Variants in PTPRF observed in about 807,000 individuals in gnomAD.
The protein encoded by PTPRF is receptor-type tyrosine-protein phosphatase F.
Under a neutral mutation model 201.8 loss-of-function variants are expected in PTPRF, and 59 were observed. That is an observed-to-expected ratio of 0.29 (90% CI 0.24 to 0.36). The LOEUF (loss-of-function observed/expected upper bound fraction) is 0.36. Ranked by LOEUF, PTPRF falls within the 10% of genes least tolerant of loss-of-function variation. The pLI is 1.00. For synonymous variants in PTPRF, 1,088 were observed against 1,089.7 expected (o/e 1.00, Z 0.03); for missense variants, 2,132 against 2,690.5 (o/e 0.79, Z 4.59).
rs1363996950 is a variant in PTPRF at position 43,619,122 on chromosome 1, C to T, written c.4566C>T (p.Tyr1522=). 2 of 1,613,910 alleles carry T rather than the reference C, an allele frequency of 1.2e-6. No homozygotes were observed. Among genetic ancestry groups the T allele is most frequent in the South Asian group, 2.2e-5 (2 of 91,070 alleles). The change falls in exon 27 of 34, where the codon TAC becomes TAT. Residue 1522 remains tyrosine (Y), a synonymous_variant. Coordinates refer to ENST00000359947, the MANE Select transcript of PTPRF (RefSeq NM_002840.5). The stretch of plus-strand genomic sequence containing the variant: ...GGCCAGACCATGGAGTTCCTGAGTA[C>T]CCAACTCCCATCCTGGCCTTCCTAC... The part of the protein sequence containing the change: ...MAWPDHGVPE[Y]PTPILAFLRR...
At chr1:43,608,815 T>C (rs1026183557) in intron 21 of PTPRF, among the ~76,000 whole-genome samples, 1 of 152,210 alleles carries the variant, frequency 6.6e-6, no homozygotes, top group Admixed American at 6.5e-5. Context: ...TCTGGCTATT[T>C]GTTGGCAGCT....
At chr1:43,596,936 G>T (rs1178078812) in intron 11 of PTPRF, among the ~76,000 whole-genome samples, 1 of 152,142 alleles carries the variant, frequency 6.6e-6, no homozygotes, top group African/African-American at 2.4e-5. Context: ...CCAAGACACG[G>T]GTATGTGATA....
At chr1:43,597,220 T>C (rs887512278) in intron 11 of PTPRF, among the ~76,000 whole-genome samples, 4 of 152,176 alleles carry the variant, frequency 2.6e-5, no homozygotes, top group African/African-American at 9.7e-5. Flanking sequence ...TGAGACAGTG[T>C]ATATGACACT....
chr1:43,566,190 C>T (rs145725434), intron 5 of PTPRF, among the ~76,000 whole-genome samples: 5,263 of 152,264 alleles, frequency 0.035, 127 homozygotes, highest in Middle Eastern at 0.095. Flanking sequence ...ACGCCTAGAG[C>T]GCTGGGGCTG....
At chr1:43,530,271 G>A (rs1287971729), upstream of PTPRF, among the ~76,000 whole-genome samples, 4 of 151,984 alleles carry the variant, frequency 2.6e-5, no homozygotes, top group Admixed American at 1.3e-4. This position sits in a 1 kb window ranked among gnomAD's most constrained non-coding sequence, Gnocchi z 4.1. Context: ...AAGGCTTGGG[G>A]TTCAGAAGAG....
At position 43,569,602 on chromosome 1, in the gene PTPRF, C is replaced by T. The variant is rs751509707; in HGVS notation, c.392C>T (p.Pro131Leu). The change falls in exon 6 of 34, where the codon CCC becomes CTC. Residue 131 changes from proline (P) to leucine (L), a missense_variant. By Grantham distance (98) the Pro-to-Leu change is moderately conservative. Transcript: ENST00000359947. Reference sequence around the variant, plus strand: ...TGTTTGTCTGCAGAGGAACAGCTGCCCCCTGGGTTCCCTTCCATCGACATG... The same window carrying T: ...TGTTTGTCTGCAGAGGAACAGCTGCTCCCTGGGTTCCCTTCCATCGACATG... Reference protein sequence around the residue: ...KLSVLEEEQLPPGFPSIDMGP... With the variant: ...KLSVLEEEQLLPGFPSIDMGP... 1 of 1,606,620 alleles carries T rather than the reference C, an allele frequency of 6.2e-7. No homozygotes were observed. The highest frequency in any genetic ancestry group is 8.5e-7 in the Non-Finnish European group (1 of 1,175,052).
chr1:43,564,400 T>C (rs1646015494), intron 5 of PTPRF, among the ~76,000 whole-genome samples: 1 of 152,196 alleles, frequency 6.6e-6, no homozygotes, highest in African/African-American at 2.4e-5. Flanking sequence ...CGTCCCTGCA[T>C]GTGTCTCCAG....
chr1:43,561,221 G>A (rs1251371733), intron 5 of PTPRF, among the ~76,000 whole-genome samples: 2 of 152,266 alleles, frequency 1.3e-5, no homozygotes, highest in East Asian at 3.9e-4. Flanking sequence ...AGGTATCCTG[G>A]GCTGGGCTGG....
rs77664463 is a variant in PTPRF, at chr1:43,603,084, G to A, written c.2341-332G>A. On this transcript the variant is annotated intron_variant, in intron 14 of 33. Transcript: ENST00000359947. This position sits in a 1 kb window ranked among gnomAD's most constrained non-coding sequence, Gnocchi z 5.8. ...AAGAGCCACGCAAGGTGCTGGGTGC[G>A]TGCGAGGCTGTGCCCTGTTGATATC... 8.5e-3 allele frequency among the ~76,000 whole-genome samples: 1,299 copies of A among 152,290 alleles called. 18 individuals carry two copies. The highest frequency in any genetic ancestry group is 0.03 in the African/African-American group (1,233 of 41,554).
rs542253951 is a variant in PTPRF at position 43,584,889 on chromosome 1, C to T, written c.680-3842C>T. On this transcript the variant is annotated intron_variant, in intron 7 of 33. Transcript: ENST00000359947. The stretch of plus-strand genomic sequence containing the variant: ...CAGATTGCGGGGCTGCCTCCCCCTG[C>T]GATTAGGCTGTCACTCTACTGAATG... Among the ~76,000 whole-genome samples, 8 of 152,342 alleles carry T rather than the reference C, an allele frequency of 5.3e-5. No homozygotes were observed. In the East Asian group the frequency reaches 1.3e-3, roughly 26 times the overall value.
intron 33 of PTPRF, among the ~76,000 whole-genome samples, chr1:43,621,554 C>T (rs1042354928): frequency 6.6e-6 from 1 of 152,222 alleles, no homozygotes; most frequent in Non-Finnish European, 1.5e-5. Context: ...ATTGCCTGTG[C>T]TGCCTGGGGG....
Position 43,546,666 on chromosome 1 carries a change from G to A in PTPRF, c.91+1500G>A, listed in dbSNP as rs368589584. 2.4e-4 allele frequency among the ~76,000 whole-genome samples: 37 copies of A among 152,102 alleles called. 3 individuals are homozygous for A. The highest frequency in any genetic ancestry group is 1.4e-3 in the Admixed American group (21 of 15,270). On this transcript the variant is annotated intron_variant, in intron 3 of 33. Coordinates refer to ENST00000359947, the MANE Select transcript of PTPRF (RefSeq NM_002840.5). The surrounding 1 kb of genome is among the most constrained non-coding windows in gnomAD (Gnocchi z 4.2). ...TGGGCTTCAACAGATAACACATCCT[G>A]GGAGAAGAGCTGCCCTCCTCCTCCT...
chr1:43,597,708 C>T, intron 11 of PTPRF, 40 bp from the exon 12 acceptor site: 1 of 1,320,172 alleles, frequency 7.6e-7, no homozygotes, highest in South Asian at 1.3e-5. Context: ...GTGATCCCCA[C>T]CCTCCATCTG....
chr1:43,587,978 C>T (rs1302819743), intron 7 of PTPRF, among the ~76,000 whole-genome samples: 3 of 152,124 alleles, frequency 2.0e-5, no homozygotes, highest in African/African-American at 7.2e-5. Context: ...CCCTTGAGAC[C>T]CTTGTTTGTT....
intron 23 of PTPRF, 152 bp downstream of exon 23, chr1:43,613,867 G>C (rs1040315876): frequency 1.4e-5 from 10 of 691,716 alleles, no homozygotes; most frequent in Non-Finnish European, 2.3e-5. Flanking sequence ...GTAAGGGTCA[G>C]CTGGGAACCG....
chr1:43,605,035 A>G, intron 17 of PTPRF, 35 bp downstream of exon 17: 1 of 1,598,918 alleles, frequency 6.3e-7, no homozygotes, highest in Non-Finnish European at 8.6e-7. Flanking sequence ...AGCCTGGCAC[A>G]CACACAGGCC....
At chr1:43,612,390 G>A (rs1656662046) in intron 22 of PTPRF, among the ~76,000 whole-genome samples, 1 of 152,220 alleles carries the variant, frequency 6.6e-6, no homozygotes, top group Admixed American at 6.5e-5. Context: ...ATCTGAGAAG[G>A]AGGGCTCTTT....
intron 8 of PTPRF, 24 bp from the exon 9 acceptor site, chr1:43,590,948 T>C (rs1324340970): frequency 1.8e-5 from 28 of 1,589,222 alleles, no homozygotes; most frequent in Non-Finnish European, 2.4e-5. Flanking sequence ...TCGGGCAGCT[T>C]TGAGCCTTCC....
In PTPRF at chr1:43,554,008, T is replaced by G. The variant is rs1163996404; in HGVS notation, c.379+67T>G. 3.2e-6 allele frequency: 5 copies of G among 1,586,968 alleles called. No individual in the cohort carries two copies. Among genetic ancestry groups the G allele is most frequent in the African/African-American group, 1.3e-5 (1 of 74,504 alleles). ...AGGCGTGGGAAGAGCCAGCCAGCCC[T>G]GATCCTGTCCTGGGCCCATGTGCAT... On this transcript the variant is annotated intron_variant, in intron 5 of 33. Transcript: ENST00000359947. The surrounding 1 kb of genome is among the most constrained non-coding windows in gnomAD (Gnocchi z 4.1).
Sources: allele counts gnomAD v4.1 joint callset (sites outside exome capture counted in the v4.1 genomes callset), GRCh38; gene constraint gnomAD v4.1.1; non-coding constraint Gnocchi (gnomAD v3.1); transcripts MANE v1.5; gene names NCBI Gene and HGNC (gene_info 2026-07-23, HGNC 2026-07-21).